RHOJ: variants seen among roughly 807,000 people sequenced by gnomAD.
The protein encoded by RHOJ is rho-related GTP-binding protein RhoJ.
RHOJ carries 11 observed loss-of-function variants against 23.4 expected under a neutral mutation model. The ratio of observed to expected loss-of-function variants is 0.47; its 90% CI spans 0.30 to 0.78. RHOJ has a LOEUF of 0.78. Ranked by LOEUF, RHOJ falls within the 30% of genes least tolerant of loss-of-function variation. The pLI is 0.08. For synonymous variants in RHOJ, 102 were observed against 102.7 expected (o/e 0.99, Z 0.04); for missense variants, 254 against 273.4 (o/e 0.93, Z 0.50).
chr14:63,242,654 T>G lies in RHOJ; in HGVS notation c.179-26456T>G, dbSNP rs539653787. On this transcript the variant is annotated intron_variant, in intron 1 of 4. Transcript: ENST00000316754. Reference sequence around the variant, plus strand: ...TCTGTGCCTCACTGCTCAAACCCACTTGGAGAAGCCTGGCTGTGATGGGAA... The same window carrying G: ...TCTGTGCCTCACTGCTCAAACCCACGTGGAGAAGCCTGGCTGTGATGGGAA... Among the ~76,000 whole-genome samples the G allele has an allele frequency of 9.2e-5, 14 of 152,308 alleles. No individual in the cohort carries two copies. The South Asian group carries it at 2.9e-3, about 32-fold the overall frequency.
In RHOJ at chr14:63,261,942, A is replaced by G. The variant is rs556673756; in HGVS notation, c.179-7168A>G. 9.2e-5 allele frequency among the ~76,000 whole-genome samples: 14 copies of G among 152,270 alleles called. No homozygotes were observed. In the East Asian group the frequency reaches 2.7e-3, roughly 29 times the overall value. ...AGAATCTAGTGTTTCTTCCTCCAAC[A>G]AAGCAGCTTTGTGGTACTACATACA... is the stretch of plus-strand genomic sequence containing the variant. On this transcript the variant is annotated intron_variant, in intron 1 of 4. Coordinates refer to ENST00000316754, the MANE Select transcript of RHOJ (RefSeq NM_020663.5).
At chr14:63,215,327 G>A (rs938136519) in intron 1 of RHOJ, among the ~76,000 whole-genome samples, 1 of 152,056 alleles carries the variant, frequency 6.6e-6, no homozygotes, top group African/African-American at 2.4e-5. Flanking sequence ...TTACTAAACG[G>A]GTACCAAGCC....
intron 1 of RHOJ, among the ~76,000 whole-genome samples, chr14:63,212,256 T>C (rs1281196000): frequency 1.3e-5 from 2 of 152,138 alleles, no homozygotes; most frequent in Non-Finnish European, 2.9e-5. Context: ...CATGCCTCAC[T>C]GTAAAGGAGG....
chr14:63,250,917 C>T (rs1480439531), intron 1 of RHOJ, among the ~76,000 whole-genome samples: 1 of 152,084 alleles, frequency 6.6e-6, no homozygotes, highest in Non-Finnish European at 1.5e-5. Context: ...TGCCTGTAAT[C>T]CCAGCTACTT....
chr14:63,243,027 T>C (rs1471340966), intron 1 of RHOJ, among the ~76,000 whole-genome samples: 1 of 152,204 alleles, frequency 6.6e-6, no homozygotes, highest in Non-Finnish European at 1.5e-5. Context: ...ACAATGCATA[T>C]TGTAGGCATA....
chr14:63,252,238 C>G (rs1280594612), intron 1 of RHOJ, among the ~76,000 whole-genome samples: 2 of 152,184 alleles, frequency 1.3e-5, no homozygotes, highest in African/African-American at 4.8e-5. Context: ...CCTTCCACAG[C>G]ACCTCAACCT....
At chr14:63,241,666 C>T (rs1894886186) in intron 1 of RHOJ, among the ~76,000 whole-genome samples, 1 of 152,156 alleles carries the variant, frequency 6.6e-6, no homozygotes, top group Non-Finnish European at 1.5e-5. Context: ...AAAAAAAGTA[C>T]AGGCTGGCAC....
At chr14:63,290,739 A>C (rs1882221802) in intron 4 of RHOJ, 139 bp from the exon 5 acceptor site, 1 of 658,658 alleles carries the variant, frequency 1.5e-6, no homozygotes, top group Admixed American at 3.7e-5. Flanking sequence ...AAAAAAAAAA[A>C]AGACAAACAT....
At chr14:63,231,951 G>A (rs1226233211) in intron 1 of RHOJ, among the ~76,000 whole-genome samples, 1 of 152,192 alleles carries the variant, frequency 6.6e-6, no homozygotes, top group African/African-American at 2.4e-5. Context: ...ACGTCAGTTG[G>A]TTTGGCTCCT....
chr14:63,272,841 C>A (rs1026006958), intron 2 of RHOJ, among the ~76,000 whole-genome samples: 3 of 152,134 alleles, frequency 2.0e-5, no homozygotes, highest in Admixed American at 2.0e-4. Flanking sequence ...CTGGCCAATA[C>A]GGTGAAACCC....
intron 1 of RHOJ, among the ~76,000 whole-genome samples, chr14:63,262,272 A>G (rs1895285708): frequency 6.6e-6 from 1 of 152,152 alleles, no homozygotes; most frequent in African/African-American, 2.4e-5. Flanking sequence ...CTGAAATGCT[A>G]AGGGAAGTAG....
chr14:63,290,366 CTCTT>C (rs1202536074), intron 4 of RHOJ, among the ~76,000 whole-genome samples: 1 of 152,142 alleles, frequency 6.6e-6, no homozygotes, highest in Admixed American at 6.5e-5. Context: ...ATCATTCACT[CTCTT>C]TCTATCTGCT....
At position 63,289,417 on chromosome 14, in the gene RHOJ, T is replaced by G. The variant is rs181680917; in HGVS notation, c.499-1461T>G. Among the ~76,000 whole-genome samples, 3 of 152,340 alleles carry G rather than the reference T, an allele frequency of 2.0e-5. No individual in the cohort carries two copies. The East Asian group carries it at 5.8e-4, about 29-fold the overall frequency. ...CTATTGGGCATAATAGGCCTATGATTTTGCTACCTTGTTTTAGCCATTTGT... is the reference window on the plus strand; with the variant it reads ...CTATTGGGCATAATAGGCCTATGATGTTGCTACCTTGTTTTAGCCATTTGT... On this transcript the variant is annotated intron_variant, in intron 4 of 4. Coordinates refer to ENST00000316754, the MANE Select transcript of RHOJ (RefSeq NM_020663.5).
At position 63,277,824 on chromosome 14, in the gene RHOJ, A is replaced by G. The variant is rs917695513; in HGVS notation, c.238-3147A>G. On this transcript the variant is annotated intron_variant, in intron 2 of 4. Transcript: ENST00000316754. The stretch of plus-strand genomic sequence containing the variant: ...CTCACGGGCCTTACAGCTGCTCTTT[A>G]AGGGAACACTCCAGAGAGAAAAGAG... Among the ~76,000 whole-genome samples, 7 of 152,236 alleles carry G rather than the reference A, an allele frequency of 4.6e-5. No individual in the cohort carries two copies. The East Asian group carries it at 1.4e-3, about 29-fold the overall frequency.
intron 3 of RHOJ, among the ~76,000 whole-genome samples, chr14:63,282,524 T>C (rs1003974015): frequency 3.3e-5 from 5 of 152,162 alleles, no homozygotes; most frequent in Non-Finnish European, 7.3e-5. Flanking sequence ...TCTTCAAAGT[T>C]CTACCTTTGA....
At chr14:63,220,946 A>G (rs1894478790) in intron 1 of RHOJ, among the ~76,000 whole-genome samples, 1 of 152,174 alleles carries the variant, frequency 6.6e-6, no homozygotes, top group Admixed American at 6.5e-5. Flanking sequence ...CTAAATATCT[A>G]TACTGTGTTT....
intron 1 of RHOJ, among the ~76,000 whole-genome samples, chr14:63,245,599 A>G (rs1894963062): frequency 6.6e-6 from 1 of 152,158 alleles, no homozygotes; most frequent in Non-Finnish European, 1.5e-5. Context: ...TTGAGACCGC[A>G]GTGAGCTATG....
At chr14:63,272,451 G>T (rs1414254855) in intron 2 of RHOJ, among the ~76,000 whole-genome samples, 1 of 152,206 alleles carries the variant, frequency 6.6e-6, no homozygotes, top group Non-Finnish European at 1.5e-5. Context: ...TCCAGCTATA[G>T]AGTCCATCTT....
chr14:63,264,703 A>G (rs1044180965), intron 1 of RHOJ, among the ~76,000 whole-genome samples: 1 of 152,194 alleles, frequency 6.6e-6, no homozygotes, highest in African/African-American at 2.4e-5. Flanking sequence ...TTGACTTTTC[A>G]GTAATAGCCA....
Sources: gnomAD v4.1 joint callset for allele counts (sites outside exome capture counted in the v4.1 genomes callset) on GRCh38, gnomAD v4.1.1 for gene constraint, MANE v1.5 for transcripts, NCBI Gene and HGNC (gene_info 2026-07-23, HGNC 2026-07-21) for gene names.